The following CHEK1 variants were observed in gnomAD, a reference collection of about 807,000 sequenced individuals.
CHEK1 encodes checkpoint kinase 1, also known as serine/threonine-protein kinase Chk1.
CHEK1 carries 32 observed loss-of-function variants against 60.2 expected under a neutral mutation model. That is an observed-to-expected ratio of 0.53 (90% CI 0.40 to 0.71). The LOEUF is 0.71. CHEK1 is among the 30% of genes least tolerant of loss of function. The pLI is 0.00. For missense variants in CHEK1, 399 were observed against 564.6 expected, an observed-to-expected ratio of 0.71 and a Z score of 2.97; for synonymous variants, 179 against 187.2, an observed-to-expected ratio of 0.96 and a Z score of 0.36.
rs1237742958 is a variant in CHEK1 at position 125,650,141 on chromosome 11, AGATTTTTTTTTTTAT to A, written c.1234-3604_1234-3590del. On this transcript the variant is annotated intron_variant, in intron 11 of 12. Coordinates refer to ENST00000438015, the MANE Select transcript of CHEK1 (RefSeq NM_001114122.3). ...GGAAGTTTTTGGCCACAATTTCTTC[AGATTTTTTTTTTTAT>A]ATCTAACTCTCCTCTCCCTCTTGGA... 1.5e-4 allele frequency among the ~76,000 whole-genome samples: 22 copies of A among 150,486 alleles called. No homozygotes were observed. The East Asian group carries it at 4.3e-3, about 29-fold the overall frequency.
chr11:125,633,504 A>G (rs1162209232), intron 6 of CHEK1, among the ~76,000 whole-genome samples, 153 bp downstream of exon 6: 4 of 152,212 alleles, frequency 2.6e-5, no homozygotes, highest in South Asian at 4.1e-4. Context: ...ACTGGAGTAC[A>G]GTGAGCTGTT....
chr11:125,635,148 G>C (rs1405133101), intron 6 of CHEK1, among the ~76,000 whole-genome samples: 2 of 151,682 alleles, frequency 1.3e-5, no homozygotes, highest in African/African-American at 4.8e-5. Context: ...TTGTAGAGAT[G>C]GGGTCTCACT....
At chr11:125,650,439 G>GT (rs111263877) in intron 11 of CHEK1, among the ~76,000 whole-genome samples, 28 of 141,408 alleles carry the variant, frequency 2.0e-4, no homozygotes, top group African/African-American at 6.8e-4. Flanking sequence ...GTAGTTGTTT[G>GT]TTTTTTTTAG....
intron 13 of CHEK1, among the ~76,000 whole-genome samples, chr11:125,667,022 G>T (rs553931433): frequency 8.0e-5 from 12 of 150,466 alleles, no homozygotes; most frequent in African/African-American, 2.7e-4. Context: ...CTTTGTTATA[G>T]ATTAAAGGGT....
At position 125,654,750 on chromosome 11, in the gene CHEK1, T is replaced by C. The variant is rs1941855054; in HGVS notation, c.1336-475T>C. Among the ~76,000 whole-genome samples, 3 of 152,202 alleles carry C rather than the reference T, an allele frequency of 2.0e-5. No homozygotes were observed. The South Asian group carries it at 6.2e-4, about 31-fold the overall frequency. Reference sequence around the variant, plus strand: ...GCCGCAGTACTCTTTGTATTAGAGATTTGCTGCAATACTGTTTTTCAGATG... The same window carrying C: ...GCCGCAGTACTCTTTGTATTAGAGACTTGCTGCAATACTGTTTTTCAGATG... On this transcript the variant is annotated intron_variant, in intron 12 of 12. Transcript: ENST00000438015.
chr11:125,648,723 T>A (rs1175715502), intron 11 of CHEK1, among the ~76,000 whole-genome samples: 1 of 151,650 alleles, frequency 6.6e-6, no homozygotes, highest in Non-Finnish European at 1.5e-5. Flanking sequence ...TGAACAGAAA[T>A]AGAGTCTTTG....
At chr11:125,634,187 G>A (rs1217429988) in intron 6 of CHEK1, among the ~76,000 whole-genome samples, 1 of 151,910 alleles carries the variant, frequency 6.6e-6, no homozygotes, top group African/African-American at 2.4e-5. Context: ...TAGAGACAGG[G>A]TTTCACCATG....
At chr11:125,657,177 C>A, downstream of CHEK1, 1 of 132,714 alleles carries the variant, frequency 7.5e-6, no homozygotes, top group Non-Finnish European at 1.5e-5. Context: ...ATGGAAAAAT[C>A]AACCTATGCT....
chr11:125,626,358 C>A, intron 1 of CHEK1: 1 of 427,244 alleles, frequency 2.3e-6, no homozygotes, highest in South Asian at 4.0e-5. Context: ...GGAGGAGGCG[C>A]TGCCGCAGGC....
At chr11:125,657,431 T>G (rs189516276), downstream of CHEK1, among the ~76,000 whole-genome samples, 119 of 152,266 alleles carry the variant, frequency 7.8e-4, 1 homozygote, top group East Asian at 0.022. Context: ...CCTTAAGAAC[T>G]TCCTATATGC....
intron 8 of CHEK1, chr11:125,643,116 T>G (rs1440374391): frequency 1.3e-5 from 2 of 152,016 alleles, no homozygotes; most frequent in Non-Finnish European, 2.9e-5. Context: ...TTTTAAAAAG[T>G]TCTAGTCCTT....
At chr11:125,626,385 C>A (rs751680764) in intron 1 of CHEK1, 68 of 424,242 alleles carry the variant, frequency 1.6e-4, no homozygotes, top group Middle Eastern at 1.3e-3. Context: ...TGCCCCATAC[C>A]GCTCCCTATA....
chr11:125,675,353 A>G (rs1565394646), intron 13 of CHEK1, among the ~76,000 whole-genome samples: 1 of 151,242 alleles, frequency 6.6e-6, no homozygotes. Flanking sequence ...ATTGTTTCTT[A>G]TTTCTTACAT....
In CHEK1 at chr11:125,651,943, T is replaced by C. The variant is rs570533004; in HGVS notation, c.1234-1803T>C. 5.3e-5 allele frequency among the ~76,000 whole-genome samples: 8 copies of C among 152,354 alleles called. No homozygotes were observed. In the East Asian group the frequency reaches 1.5e-3, roughly 29 times the overall value. The stretch of plus-strand genomic sequence containing the variant: ...CATTTTCACTGACATCACTCCTTGA[T>C]TCACTCTCTCTCAGTTCTTGAAGTA... On this transcript the variant is annotated intron_variant, in intron 11 of 12. Coordinates refer to ENST00000438015, the MANE Select transcript of CHEK1 (RefSeq NM_001114122.3).
chr11:125,678,999 GAC>G (rs1487228139), downstream of CHEK1, among the ~76,000 whole-genome samples: 3 of 40,038 alleles, frequency 7.5e-5, no homozygotes, highest in Non-Finnish European at 1.6e-4. Flanking sequence ...TATATATATA[GAC>G]ACACACACAT....
At chr11:125,680,803 C>T, downstream of CHEK1, 3 of 1,608,662 alleles carry the variant, frequency 1.9e-6, no homozygotes, top group Non-Finnish European at 1.7e-6. Flanking sequence ...AAAGAGGGGA[C>T]CCCAGTGTGG....
chr11:125,670,964 G>A (rs958326716), intron 13 of CHEK1, among the ~76,000 whole-genome samples: 32 of 151,660 alleles, frequency 2.1e-4, no homozygotes, highest in African/African-American at 7.8e-4. Context: ...TTTAAGATGA[G>A]TCTCACTATG....
chr11:125,667,077 C>T, intron 13 of CHEK1, among the ~76,000 whole-genome samples: 1 of 151,806 alleles, frequency 6.6e-6, no homozygotes, highest in Non-Finnish European at 1.5e-5. Flanking sequence ...GATGCTGAGG[C>T]TTGGGGTCCC....
At chr11:125,677,830 C>T, downstream of CHEK1, 1 of 1,614,142 alleles carries the variant, frequency 6.2e-7, no homozygotes, top group African/African-American at 1.3e-5. Flanking sequence ...GCACCTGAAG[C>T]CTGTTCCCCT....
Sources: gnomAD v4.1 joint callset for allele counts (sites outside exome capture counted in the v4.1 genomes callset) on GRCh38, gnomAD v4.1.1 for gene constraint, MANE v1.5 for transcripts, NCBI Gene and HGNC (gene_info 2026-07-23, HGNC 2026-07-21) for gene names.